Variants in SHISA9 observed in about 807,000 individuals in gnomAD.
SHISA9 encodes the protein protein shisa-9.
In SHISA9, 13 loss-of-function variants were observed where a neutral mutation model predicts 38.0. The observed-to-expected ratio is 0.34, with a 90% confidence interval of 0.22 to 0.54. The LOEUF (loss-of-function observed/expected upper bound fraction) is 0.54. SHISA9 is among the 20% of genes least tolerant of loss of function. SHISA9 has a pLI of 0.91. For missense variants in SHISA9, 538 were observed against 575.8 expected (o/e 0.93, Z 0.67); for synonymous variants, 275 against 242.0 (o/e 1.14, Z -1.27).
intron 2 of SHISA9, among the ~76,000 whole-genome samples, chr16:13,085,167 G>C (rs2073696662): frequency 6.6e-6 from 1 of 152,166 alleles, no homozygotes; most frequent in South Asian, 2.1e-4. Context: ...CAGCATTGCA[G>C]ACTCAACTGG....
At position 13,196,135 on chromosome 16, in the gene SHISA9, C is replaced by T. The variant is rs1357020756; in HGVS notation, c.692-7259C>T. Among the ~76,000 whole-genome samples, 6 of 139,168 alleles carry T rather than the reference C, an allele frequency of 4.3e-5. No individual in the cohort carries two copies. The South Asian group carries it at 1.1e-3, about 26-fold the overall frequency. The allele number at this position is 139,168 out of a possible 152,430, so 91.3% of individuals were successfully genotyped here. On this transcript the variant is annotated intron_variant, in intron 2 of 4. Transcript: ENST00000558583. ...AAAAAAGGCCAGGTGTGGTGGCTCACGCCTGTAATCCCAGCACTTTGAGAG... is the reference window on the plus strand; with the variant it reads ...AAAAAAGGCCAGGTGTGGTGGCTCATGCCTGTAATCCCAGCACTTTGAGAG...
the SHISA9 span, among the ~76,000 whole-genome samples, chr16:13,461,602 C>A: frequency 7.0e-6 from 1 of 143,842 alleles, no homozygotes; most frequent in African/African-American, 2.6e-5. Context: ...GATTTATAGA[C>A]TTTCTTTTTT....
At chr16:13,395,002 G>T in the SHISA9 span, among the ~76,000 whole-genome samples, 2 of 150,812 alleles carry the variant, frequency 1.3e-5, no homozygotes, top group African/African-American at 4.9e-5. Context: ...TAGGGGGTTG[G>T]TTTATCTTAT....
At chr16:13,007,533 A>G (rs2072614262) in intron 2 of SHISA9, among the ~76,000 whole-genome samples, 2 of 152,130 alleles carry the variant, frequency 1.3e-5, no homozygotes, top group African/African-American at 4.8e-5. Context: ...GGAATCTAAG[A>G]TCCCAACCGT....
the SHISA9 span, among the ~76,000 whole-genome samples, chr16:13,469,345 A>AGAAAGAAG: frequency 7.7e-6 from 1 of 129,870 alleles, no homozygotes; most frequent in East Asian, 2.1e-4. Flanking sequence ...AAAGAAAGAA[A>AGAAAGAAG]GAAAGAAAGA....
At chr16:13,028,626 A>T (rs2072954454) in intron 2 of SHISA9, among the ~76,000 whole-genome samples, 1 of 152,162 alleles carries the variant, frequency 6.6e-6, no homozygotes, top group African/African-American at 2.4e-5. Context: ...AACATTTGGG[A>T]ATTATGGGAG....
intron 2 of SHISA9, among the ~76,000 whole-genome samples, chr16:13,125,836 T>C (rs1319242825): frequency 6.6e-6 from 1 of 152,242 alleles, no homozygotes; most frequent in African/African-American, 2.4e-5. Context: ...TATTTGTTTA[T>C]TGTTCATTGA....
intron 2 of SHISA9, among the ~76,000 whole-genome samples, chr16:12,972,184 A>G (rs1169106641): frequency 2.0e-5 from 3 of 152,148 alleles, no homozygotes; most frequent in East Asian, 1.9e-4. Context: ...GTAAGCACTC[A>G]CATTTAAAGG....
chr16:13,147,958 G>A (rs1789359893), intron 2 of SHISA9, among the ~76,000 whole-genome samples: 1 of 152,204 alleles, frequency 6.6e-6, no homozygotes, highest in Non-Finnish European at 1.5e-5. Flanking sequence ...GATAGTTAGG[G>A]ACTGAGGTCC....
chr16:13,544,740 C>G, the SHISA9 span, among the ~76,000 whole-genome samples: 7 of 151,952 alleles, frequency 4.6e-5, no homozygotes, highest in Non-Finnish European at 1.0e-4. Context: ...GTCAGGAGCT[C>G]GAGACCAGCC....
At chr16:13,305,715 C>T in the SHISA9 span, among the ~76,000 whole-genome samples, 1 of 152,192 alleles carries the variant, frequency 6.6e-6, no homozygotes, top group African/African-American at 2.4e-5. Context: ...TTGTGAGGGA[C>T]CCCGACTCAA....
At chr16:13,367,477 C>T in the SHISA9 span, among the ~76,000 whole-genome samples, 1 of 151,442 alleles carries the variant, frequency 6.6e-6, no homozygotes, top group Admixed American at 6.6e-5. Context: ...GAACAGGAAG[C>T]CAGGATCCAG....
chr16:13,030,093 T>C (rs2141876202), intron 2 of SHISA9, among the ~76,000 whole-genome samples: 1 of 152,356 alleles, frequency 6.6e-6, no homozygotes, highest in African/African-American at 2.4e-5. Context: ...TCGTTTATAA[T>C]TACTGTTTTT....
intron 2 of SHISA9, among the ~76,000 whole-genome samples, chr16:13,085,361 G>A (rs1264116024): frequency 6.6e-6 from 1 of 151,830 alleles, no homozygotes; most frequent in Non-Finnish European, 1.5e-5. Context: ...AAAAAAGGAA[G>A]AGCTCCAACA....
the SHISA9 span, among the ~76,000 whole-genome samples, chr16:13,363,707 C>T: frequency 2.0e-5 from 3 of 152,210 alleles, no homozygotes; most frequent in Non-Finnish European, 2.9e-5. Context: ...TCTGTATCAT[C>T]TGTGCTGAAC....
intron 2 of SHISA9, among the ~76,000 whole-genome samples, chr16:13,035,536 CT>C (rs35776381): frequency 0.032 from 4,816 of 148,386 alleles, 160 homozygotes; most frequent in South Asian, 0.15. Context: ...TAATTTTCAG[CT>C]TTTTTTTTTT....
intron 2 of SHISA9, among the ~76,000 whole-genome samples, chr16:13,088,091 T>G (rs2073733582): frequency 6.6e-6 from 1 of 152,230 alleles, no homozygotes; most frequent in Non-Finnish European, 1.5e-5. Context: ...CCTTTCCCCA[T>G]TTCTTGTTTT....
At chr16:13,360,678 G>A in the SHISA9 span, among the ~76,000 whole-genome samples, 1 of 152,140 alleles carries the variant, frequency 6.6e-6, no homozygotes, top group Non-Finnish European at 1.5e-5. Flanking sequence ...TGTGAGAACA[G>A]ACTAATACAG....
the SHISA9 span, among the ~76,000 whole-genome samples, chr16:13,483,261 G>T: frequency 6.6e-6 from 1 of 152,162 alleles, no homozygotes; most frequent in African/African-American, 2.4e-5. Context: ...ATCATTTAGG[G>T]CTGGATTGGT....
Sources: gnomAD v4.1 joint callset for allele counts (sites outside exome capture counted in the v4.1 genomes callset) on GRCh38, gnomAD v4.1.1 for gene constraint, MANE v1.5 for transcripts, NCBI Gene and HGNC (gene_info 2026-07-23, HGNC 2026-07-21) for gene names.